COPS8: variants seen among roughly 807,000 people sequenced by gnomAD.
COPS8 encodes COP9 signalosome complex subunit 8.
COPS8 carries 11 observed loss-of-function variants against 31.5 expected under a neutral mutation model. The ratio of observed to expected loss-of-function variants is 0.35; its 90% CI spans 0.22 to 0.58. COPS8 has a LOEUF of 0.58. Among genes scored for constraint, COPS8 ranks in the 20% least tolerant of loss-of-function variants. The pLI is 0.83. For synonymous variants in COPS8, 81 were observed against 89.3 expected (o/e 0.91, Z 0.52); for missense variants, 215 against 255.1 (o/e 0.84, Z 1.07).
chr2:237,094,212 C>T lies in COPS8; in HGVS notation c.439+15C>T. Reference sequence around the variant, plus strand: ...GGCTGTGAAAGGTAATTTTGGCTTACTTTTTACTTATAAGGAAAATGGAAA... The same window carrying T: ...GGCTGTGAAAGGTAATTTTGGCTTATTTTTTACTTATAAGGAAAATGGAAA... On this transcript the variant is annotated intron_variant, in intron 5 of 7. Transcript: ENST00000354371. 6.2e-7 allele frequency: 1 copy of T among 1,610,730 alleles called. No homozygotes were observed. Among genetic ancestry groups the T allele is most frequent in the Non-Finnish European group, 8.5e-7 (1 of 1,178,040 alleles).
rs1696866619 is a variant in COPS8 at position 237,099,903 on chromosome 2, T to TA, written c.*2166dup. On this transcript the variant is annotated 3_prime_UTR_variant, in exon 8 of 8. Transcript: ENST00000354371. ...CTTGAAGGGATTTCTACAGGCCATG[T>TA]AAAAATGAGACAGTTTGAGCATGAA... 3 of 152,324 alleles carry TA rather than the reference T, an allele frequency of 2.0e-5. No individual in the cohort carries two copies. The South Asian group carries it at 6.2e-4, about 32-fold the overall frequency. The allele number at this position is 152,324 out of a possible 1,614,324, so 9.4% of individuals were successfully genotyped here. A position where few individuals can be genotyped will look rare whatever the true frequency, so the allele number is the denominator to read the frequency against.
intron 2 of COPS8, 81 bp downstream of exon 2, chr2:237,087,278 C>T (rs1259248337): frequency 2.1e-6 from 2 of 950,310 alleles, no homozygotes; most frequent in African/African-American, 1.6e-5. Context: ...AGTAGCACCA[C>T]TAAACATAGG....
rs139829133 is a variant in COPS8, at chr2:237,089,161, AT to A, written c.198+509del. 5.0e-3 allele frequency among the ~76,000 whole-genome samples: 755 copies of A among 152,344 alleles called. 5 individuals are homozygous for A. The highest frequency in any genetic ancestry group is 0.015 in the African/African-American group (632 of 41,576). ...CAAAGTGGAATGAAGTAAAATTTTAATGTCAAATGATTCCATGTGTCTAACA... is the reference window on the plus strand; with the variant it reads ...CAAAGTGGAATGAAGTAAAATTTTAAGTCAAATGATTCCATGTGTCTAACA... On this transcript the variant is annotated intron_variant, in intron 3 of 7. Transcript: ENST00000354371.
At chr2:237,093,727 C>T (rs1174425944) in intron 4 of COPS8, 1 of 989,462 alleles carries the variant, frequency 1.0e-6, no homozygotes, top group Non-Finnish European at 1.2e-6. Flanking sequence ...GTTTTCTGCT[C>T]CTTTGATTCC....
At chr2:237,097,096 C>T (rs937991970) in intron 7 of COPS8, among the ~76,000 whole-genome samples, 4 of 152,156 alleles carry the variant, frequency 2.6e-5, no homozygotes, top group African/African-American at 9.7e-5. Context: ...GCAGAGCCTT[C>T]TTATTCTCAT....
chr2:237,085,911 G>A lies in COPS8; in HGVS notation c.-54G>A. 1.9e-6 allele frequency: 3 copies of A among 1,558,298 alleles called. No individual in the cohort carries two copies. Among genetic ancestry groups the A allele is most frequent in the South Asian group, 1.1e-5 (1 of 87,226 alleles). ...GTCATCGCGGGCGCGACGCCTGAGG[G>A]ACAGTCTGGGGTTTGGCTGTCCGGA... On this transcript the variant is annotated 5_prime_UTR_variant, in exon 1 of 8. Coordinates refer to ENST00000354371, the MANE Select transcript of COPS8 (RefSeq NM_006710.5).
Position 237,092,656 on chromosome 2 carries a change from G to A in COPS8, c.332-1434G>A, listed in dbSNP as rs201054315. On this transcript the variant is annotated intron_variant, in intron 4 of 7. Coordinates refer to ENST00000354371, the MANE Select transcript of COPS8 (RefSeq NM_006710.5). ...AGAAAACGTTTCTTGGTATTGCAAA[G>A]TCTGTTAGGTTACAGGCTGGTTGAA... 6.6e-5 allele frequency among the ~76,000 whole-genome samples: 10 copies of A among 152,234 alleles called. No individual in the cohort carries two copies. In the East Asian group the frequency reaches 1.9e-3, roughly 29 times the overall value.
At chr2:237,087,796 G>T (rs1431930951) in intron 2 of COPS8, among the ~76,000 whole-genome samples, 1 of 152,062 alleles carries the variant, frequency 6.6e-6, no homozygotes, top group Non-Finnish European at 1.5e-5. Flanking sequence ...GCTGGGCATG[G>T]TTGCGTGTGC....
intron 5 of COPS8, 147 bp downstream of exon 5, chr2:237,094,344 T>C (rs1000053513): frequency 1.4e-5 from 10 of 713,034 alleles, no homozygotes; most frequent in African/African-American, 3.6e-5. Context: ...AAACAGGTGT[T>C]GTGGAACACC....
rs1271041110 is a variant in COPS8 at position 237,098,585 on chromosome 2, G to GT, written c.*844dup. On this transcript the variant is annotated 3_prime_UTR_variant, in exon 8 of 8. Coordinates refer to ENST00000354371, the MANE Select transcript of COPS8 (RefSeq NM_006710.5). ...ACTGAGCAAGTCTTTCATTCTCTGTGTGACAGCCCTCTGAATATTTGAAGT... is the reference window on the plus strand; with the variant it reads ...ACTGAGCAAGTCTTTCATTCTCTGTGTTGACAGCCCTCTGAATATTTGAAGT... 7.9e-5 allele frequency: 12 copies of GT among 152,310 alleles called. No homozygotes were observed. The highest frequency in any genetic ancestry group is 2.9e-4 in the African/African-American group (12 of 41,570). 9.4% of individuals were successfully genotyped at this position (152,310 alleles called of 1,614,324 possible). A position where few individuals can be genotyped will look rare whatever the true frequency, so the allele number is the denominator to read the frequency against.
intron 4 of COPS8, among the ~76,000 whole-genome samples, chr2:237,092,057 G>C (rs958640494): frequency 3.9e-5 from 6 of 152,260 alleles, no homozygotes; most frequent in Non-Finnish European, 7.3e-5. Flanking sequence ...AGCACTGGCA[G>C]TGATGGATGA....
At position 237,094,155 on chromosome 2, in the gene COPS8, T is replaced by G. The variant is rs1696753567; in HGVS notation, c.397T>G (p.Phe133Val). 1 of 1,614,012 alleles carries G rather than the reference T, an allele frequency of 6.2e-7. No individual in the cohort carries two copies. The highest frequency in any genetic ancestry group is 2.2e-5 in the East Asian group (1 of 44,872). ...GTATACTTCAATCATCGCCGATGATTTTGCAGCCTTTGTTGGACTTCCTGT... is the reference window on the plus strand; with the variant it reads ...GTATACTTCAATCATCGCCGATGATGTTGCAGCCTTTGTTGGACTTCCTGT... ...QAYTSIIADD[F>V]AAFVGLPVEE... Residue 133 changes from phenylalanine to valine, a missense_variant, in exon 5 of 8, where the codon TTT (phenylalanine) becomes GTT (valine). Coordinates refer to ENST00000354371, the MANE Select transcript of COPS8 (RefSeq NM_006710.5).
intron 4 of COPS8, 57 bp downstream of exon 4, chr2:237,090,051 G>A (rs1280438121): frequency 1.3e-6 from 2 of 1,552,362 alleles, no homozygotes; most frequent in Non-Finnish European, 1.8e-6. Flanking sequence ...CCTAAGTGCT[G>A]CAGTGTTGAA....
At chr2:237,095,240 C>T (rs1189002482) in intron 5 of COPS8, among the ~76,000 whole-genome samples, 1 of 152,042 alleles carries the variant, frequency 6.6e-6, no homozygotes, top group Admixed American at 6.5e-5. Context: ...CTCAGCTGAC[C>T]ACCTGGATGT....
At chr2:237,093,590 CT>C in intron 4 of COPS8, 1 of 669,084 alleles carries the variant, frequency 1.5e-6, no homozygotes, top group Non-Finnish European at 1.8e-6. Context: ...GATTTTGAAC[CT>C]TAATTCAGTC....
At position 237,099,793 on chromosome 2, in the gene COPS8, A is replaced by C. The variant is rs1160165693; in HGVS notation, c.*2051A>C. The C allele has an allele frequency of 6.6e-6, 1 of 152,216 alleles. No individual in the cohort carries two copies. Among genetic ancestry groups the C allele is most frequent in the East Asian group, 1.9e-4 (1 of 5,194 alleles). The allele number at this position is 152,216 out of a possible 1,614,324, so 9.4% of individuals were successfully genotyped here. Reference sequence around the variant, plus strand: ...CTAATAGTTCCAGGGCAGTAAGTGTACAAGTTCATATCTGGTACAAGATGT... The same window carrying C: ...CTAATAGTTCCAGGGCAGTAAGTGTCCAAGTTCATATCTGGTACAAGATGT... On this transcript the variant is annotated 3_prime_UTR_variant, in exon 8 of 8. Coordinates refer to ENST00000354371, the MANE Select transcript of COPS8 (RefSeq NM_006710.5).
chr2:237,086,328 C>T (rs1490459583), intron 1 of COPS8, among the ~76,000 whole-genome samples: 4 of 152,128 alleles, frequency 2.6e-5, no homozygotes, highest in Admixed American at 6.5e-5. Flanking sequence ...AATTAGGCAT[C>T]TTTCCTTCCC....
At chr2:237,094,328 G>A in intron 5 of COPS8, 131 bp downstream of exon 5, 2 of 810,710 alleles carry the variant, frequency 2.5e-6, no homozygotes, top group Non-Finnish European at 3.8e-6. Flanking sequence ...TTTGAGAGGT[G>A]ATATGAAACA....
At chr2:237,096,961 A>G (rs1574839470) in intron 7 of COPS8, 92 bp downstream of exon 7, 5 of 855,860 alleles carry the variant, frequency 5.8e-6, no homozygotes, top group Non-Finnish European at 9.4e-6. Flanking sequence ...GAGTGTGTGT[A>G]TCTATTTCTT....
Sources: allele counts gnomAD v4.1 joint callset (sites outside exome capture counted in the v4.1 genomes callset), GRCh38; gene constraint gnomAD v4.1.1; transcripts MANE v1.5; gene names NCBI Gene and HGNC (gene_info 2026-07-23, HGNC 2026-07-21).